VAV3: variants seen among roughly 807,000 people sequenced by gnomAD.
VAV3 encodes the protein vav guanine nucleotide exchange factor 3, also known as guanine nucleotide exchange factor VAV3.
Under a neutral mutation model 131.2 loss-of-function variants are expected in VAV3, and 94 were observed. The observed-to-expected ratio is 0.72, with a 90% CI of 0.61 to 0.85. The LOEUF (loss-of-function observed/expected upper bound fraction) is 0.85. Ranked by LOEUF, VAV3 falls within the 40% of genes least tolerant of loss-of-function variation. The pLI is 0.00. For synonymous variants in VAV3, 349 were observed against 342.0 expected, an observed-to-expected ratio of 1.02 and a Z score of -0.22; for missense variants, 939 against 1,002.7, an observed-to-expected ratio of 0.94 and a Z score of 0.86.
At chr1:107,811,152 G>C (rs906258791) in intron 2 of VAV3, among the ~76,000 whole-genome samples, 2 of 152,142 alleles carry the variant, frequency 1.3e-5, no homozygotes, top group Non-Finnish European at 2.9e-5. Context: ...GACAGGTTTT[G>C]TTGGTTTTTA....
rs1652596122 is a variant in VAV3, at chr1:107,609,974, TA to T, written c.1981-10del. The T allele has an allele frequency of 6.2e-7, 1 of 1,613,158 alleles. No homozygotes were observed. The highest frequency in any genetic ancestry group is 8.5e-7 in the Non-Finnish European group (1 of 1,179,410). On this transcript the variant is annotated splice_polypyrimidine_tract_variant and intron_variant, in intron 21 of 26. Transcript: ENST00000370056. ...TCTACTGGTTTGGGCACCTAGGATATAAAAAAGCAAAAACAGATTAAGTTTA... is the reference window on the plus strand; with the variant it reads ...TCTACTGGTTTGGGCACCTAGGATATAAAAAGCAAAAACAGATTAAGTTTA...
chr1:107,800,465 G>A (rs7537605), intron 2 of VAV3, among the ~76,000 whole-genome samples: 53,754 of 151,766 alleles, frequency 0.35, 9,683 homozygotes, highest in African/African-American at 0.37. Context: ...ACATTTTTTC[G>A]TATAAATATT....
chr1:107,818,197 A>G (rs1034765669), intron 2 of VAV3, among the ~76,000 whole-genome samples: 1 of 152,216 alleles, frequency 6.6e-6, no homozygotes, highest in East Asian at 1.9e-4. Context: ...AATTCAGCAG[A>G]TGATGGACAC....
chr1:107,604,342 A>T (rs1391265791), intron 22 of VAV3, among the ~76,000 whole-genome samples: 1 of 152,174 alleles, frequency 6.6e-6, no homozygotes, highest in African/African-American at 2.4e-5. Context: ...TTAGGTTTCC[A>T]TCTAGTATAA....
intron 19 of VAV3, among the ~76,000 whole-genome samples, chr1:107,653,992 T>C (rs1656361382): frequency 6.6e-6 from 1 of 152,094 alleles, no homozygotes; most frequent in African/African-American, 2.4e-5. Context: ...CACTACATGC[T>C]AGCACAGTGC....
chr1:107,774,121 C>T (rs892006372), intron 4 of VAV3, among the ~76,000 whole-genome samples: 13 of 152,088 alleles, frequency 8.5e-5, no homozygotes, highest in South Asian at 6.2e-4. Flanking sequence ...GGCTGGAGTA[C>T]GGTGGTGCAG....
rs1170576398 is a variant in VAV3, at chr1:107,765,104, G to A, written c.893C>T (p.Thr298Ile). The change falls in exon 9 of 27, where the codon ACA (threonine) becomes ATA (isoleucine). Residue 298 changes from threonine to isoleucine, a missense_variant. Thr to Ile is a moderately conservative substitution (Grantham distance 89, BLOSUM62 -1). Transcript: ENST00000370056. ...TAATTTCAGTTTGACATCTTCTTTTGTCTTAGAAATGTAGTCTAAACTAGA... is the reference window on the plus strand; with the variant it reads ...TAATTTCAGTTTGACATCTTCTTTTATCTTAGAAATGTAGTCTAAACTAGA... ...AISSLDYISK[T>I]KEDVKLKLEE... 1.2e-6 allele frequency: 2 copies of A among 1,613,020 alleles called. No individual in the cohort carries two copies. The highest frequency in any genetic ancestry group is 4.5e-5 in the East Asian group (2 of 44,830).
At chr1:107,951,333 C>A (rs1674522048) in intron 1 of VAV3, among the ~76,000 whole-genome samples, 1 of 152,174 alleles carries the variant, frequency 6.6e-6, no homozygotes. Context: ...TTTCTGCATT[C>A]TTGCAAAAGC....
intron 3 of VAV3, among the ~76,000 whole-genome samples, chr1:107,778,334 AG>A (rs994067412): frequency 1.4e-4 from 21 of 152,232 alleles, no homozygotes; most frequent in African/African-American, 5.1e-4. Context: ...AATATAGATG[AG>A]AAAAAAAGGA....
At chr1:107,625,393 A>C (rs1371891608) in intron 20 of VAV3, among the ~76,000 whole-genome samples, 1 of 151,858 alleles carries the variant, frequency 6.6e-6, no homozygotes, top group Non-Finnish European at 1.5e-5. Context: ...CAGTCTCCCG[A>C]GTAGCTGGGA....
Position 107,770,841 on chromosome 1 carries a change from C to T in VAV3, c.556-113G>A, listed in dbSNP as rs189590560. The T allele has an allele frequency of 1.1e-3, 893 of 789,546 alleles. 7 individuals carry two copies. The East Asian group carries it at 0.023, about 20-fold the overall frequency. 48.9% of individuals were successfully genotyped at this position (789,546 alleles called of 1,614,324 possible). A position where few individuals can be genotyped will look rare whatever the true frequency, so the allele number is the denominator to read the frequency against. On this transcript the variant is annotated intron_variant, in intron 5 of 26. Transcript: ENST00000370056. Reference sequence around the variant, plus strand: ...TCTTAAACTTTCCTTTCTAATACAACACATAATTGAAAGACATCTAACTGC... The same window carrying T: ...TCTTAAACTTTCCTTTCTAATACAATACATAATTGAAAGACATCTAACTGC...
intron 1 of VAV3, among the ~76,000 whole-genome samples, chr1:107,956,441 A>T (rs1485261365): frequency 6.6e-6 from 1 of 152,172 alleles, no homozygotes; most frequent in Non-Finnish European, 1.5e-5. Flanking sequence ...AATGTTTAAC[A>T]TACTAGAATT....
rs147519400 is a variant in VAV3 at position 107,608,941 on chromosome 1, T to C, written c.2015+990A>G. ...ATAGATTCAGTCTTTTTAAGAGAAG[T>C]CAAACACAAAATTCAGGAAAACAAA... On this transcript the variant is annotated intron_variant, in intron 22 of 26. Transcript: ENST00000370056. Among the ~76,000 whole-genome samples the C allele has an allele frequency of 3.2e-3, 481 of 152,274 alleles. 3 individuals carry two copies. The highest frequency in any genetic ancestry group is 0.011 in the African/African-American group (439 of 41,568).
intron 17 of VAV3, among the ~76,000 whole-genome samples, chr1:107,692,586 T>A (rs572279744): frequency 9.9e-5 from 15 of 152,184 alleles, no homozygotes; most frequent in Admixed American, 8.5e-4. Context: ...TGAAAGCTTA[T>A]CTTTTATGTT....
At chr1:107,840,130 A>C (rs1668633093) in intron 2 of VAV3, among the ~76,000 whole-genome samples, 1 of 152,224 alleles carries the variant, frequency 6.6e-6, no homozygotes, top group Non-Finnish European at 1.5e-5. Flanking sequence ...TAGAAAGAAT[A>C]CTTCCTAAAG....
chr1:107,709,989 T>A (rs1570799074), intron 15 of VAV3, among the ~76,000 whole-genome samples: 1 of 152,238 alleles, frequency 6.6e-6, no homozygotes, highest in African/African-American at 2.4e-5. Flanking sequence ...CAGTAATAAG[T>A]ATGACAGTGT....
At chr1:107,612,824 T>G (rs1414735502) in intron 21 of VAV3, among the ~76,000 whole-genome samples, 6 of 152,100 alleles carry the variant, frequency 3.9e-5, no homozygotes, top group Non-Finnish European at 8.8e-5. Context: ...TGCTTTAAAC[T>G]CACTCCATAA....
At chr1:107,808,244 A>G (rs572188584) in intron 2 of VAV3, among the ~76,000 whole-genome samples, 1 of 152,320 alleles carries the variant, frequency 6.6e-6, no homozygotes, top group East Asian at 1.9e-4. Flanking sequence ...CTGCTCATGA[A>G]CATGGGCTAT....
At chr1:107,713,537 A>C (rs950357887) in intron 15 of VAV3, among the ~76,000 whole-genome samples, 1 of 152,170 alleles carries the variant, frequency 6.6e-6, no homozygotes, top group Non-Finnish European at 1.5e-5. Context: ...TTAAAAAAAT[A>C]AAATAAAAAC....
Sources: allele counts gnomAD v4.1 joint callset (sites outside exome capture counted in the v4.1 genomes callset), GRCh38; gene constraint gnomAD v4.1.1; transcripts MANE v1.5; gene names NCBI Gene and HGNC (gene_info 2026-07-23, HGNC 2026-07-21).